The following SMYD3 variants were observed in gnomAD, a reference collection of about 807,000 sequenced individuals.
SMYD3 encodes the protein SET and MYND domain containing 3.
Under a neutral mutation model 57.7 loss-of-function variants are expected in SMYD3, and 36 were observed. That is an observed-to-expected ratio of 0.62 (90% CI 0.48 to 0.82). The LOEUF (loss-of-function observed/expected upper bound fraction) is 0.82. SMYD3 is among the 40% of genes least tolerant of loss of function. The probability of loss-of-function intolerance (pLI) is 0.00; values close to 1 mark genes in which losing one functional copy is unlikely to be tolerated. For missense variants in SMYD3, 515 were observed against 538.8 expected, an observed-to-expected ratio of 0.96 and a Z score of 0.44; for synonymous variants, 211 against 195.0, an observed-to-expected ratio of 1.08 and a Z score of -0.68.
intron 2 of SMYD3, among the ~76,000 whole-genome samples, chr1:246,348,060 T>TTTTATATATATATATATATATA (rs1553336532): frequency 2.4e-5 from 2 of 83,012 alleles, no homozygotes; most frequent in African/African-American, 4.2e-5. Context: ...AAAGAAAACG[T>TTTTATATATATATATATATATA]TATATATATA....
At chr1:245,947,538 T>C in intron 5 of SMYD3, 1 of 389,490 alleles carries the variant, frequency 2.6e-6, no homozygotes, top group Non-Finnish European at 5.2e-6. Flanking sequence ...TGCCTGCATT[T>C]CTAAACCATC....
intron 5 of SMYD3, among the ~76,000 whole-genome samples, chr1:246,235,782 C>T (rs2063505088): frequency 6.6e-6 from 1 of 152,118 alleles, no homozygotes; most frequent in African/African-American, 2.4e-5. Context: ...ACTGACCCTA[C>T]AAGCTCTAAG....
At chr1:245,924,944 A>G (rs1024401136) in intron 7 of SMYD3, among the ~76,000 whole-genome samples, 34 of 151,530 alleles carry the variant, frequency 2.2e-4, no homozygotes, top group Non-Finnish European at 7.4e-5. Flanking sequence ...GATTACAGGC[A>G]TGAGCCACGG....
chr1:245,852,929 C>A (rs2051050087), intron 10 of SMYD3, among the ~76,000 whole-genome samples: 1 of 152,156 alleles, frequency 6.6e-6, no homozygotes, highest in Admixed American at 6.5e-5. Flanking sequence ...CAGTATTTCA[C>A]ACATACGAAC....
chr1:246,353,274 T>C (rs1015686951), intron 2 of SMYD3, among the ~76,000 whole-genome samples: 3 of 152,162 alleles, frequency 2.0e-5, no homozygotes, highest in Non-Finnish European at 2.9e-5. Flanking sequence ...ACACCTATAA[T>C]CCCAGCACTT....
chr1:246,277,733 A>G (rs1287009094), intron 5 of SMYD3, among the ~76,000 whole-genome samples: 7 of 152,244 alleles, frequency 4.6e-5, no homozygotes, highest in Non-Finnish European at 1.0e-4. Context: ...ACATGGATGA[A>G]CCTCAGAATC....
At chr1:246,200,746 T>C (rs2062910610) in intron 5 of SMYD3, among the ~76,000 whole-genome samples, 1 of 140,266 alleles carries the variant, frequency 7.1e-6, no homozygotes, top group Non-Finnish European at 1.6e-5. Context: ...GCTTTTCATA[T>C]ATATGATTTG....
intron 5 of SMYD3, among the ~76,000 whole-genome samples, chr1:246,032,175 G>A (rs1376031390): frequency 6.6e-6 from 1 of 152,018 alleles, no homozygotes; most frequent in Non-Finnish European, 1.5e-5. Context: ...TTAACTGTTG[G>A]GCAGGCAAAC....
chr1:245,796,560 T>G (rs570783546), intron 10 of SMYD3, among the ~76,000 whole-genome samples: 1 of 152,308 alleles, frequency 6.6e-6, no homozygotes, highest in South Asian at 2.1e-4. Context: ...TCCTACATAT[T>G]TATGATTTTC....
intron 2 of SMYD3, among the ~76,000 whole-genome samples, chr1:246,343,845 A>G (rs576306357): frequency 6.6e-6 from 1 of 152,298 alleles, no homozygotes; most frequent in East Asian, 1.9e-4. Context: ...TGGCTTAAAA[A>G]TTGTGATCAC....
At chr1:246,094,612 G>T (rs995475498) in intron 5 of SMYD3, among the ~76,000 whole-genome samples, 4 of 152,120 alleles carry the variant, frequency 2.6e-5, no homozygotes, top group African/African-American at 9.7e-5. Context: ...GTTGTAACAA[G>T]GTCAAAGAAT....
intron 5 of SMYD3, among the ~76,000 whole-genome samples, chr1:246,118,980 C>T (rs939553383): frequency 2.0e-5 from 3 of 151,940 alleles, no homozygotes; most frequent in Non-Finnish European, 4.4e-5. Context: ...CTTCTCTAGA[C>T]TTGGAATACT....
intron 4 of SMYD3, among the ~76,000 whole-genome samples, chr1:246,329,614 G>A (rs1262847195): frequency 6.6e-6 from 1 of 152,018 alleles, no homozygotes; most frequent in African/African-American, 2.4e-5. Context: ...TGAGTAGGTT[G>A]CAAAAATTTT....
At chr1:246,116,624 G>A (rs2061346445) in intron 5 of SMYD3, among the ~76,000 whole-genome samples, 1 of 152,174 alleles carries the variant, frequency 6.6e-6, no homozygotes, top group African/African-American at 2.4e-5. Context: ...CCTCAGCTAT[G>A]CTATCTTACT....
chr1:246,273,133 T>G (rs1350410529), intron 5 of SMYD3, among the ~76,000 whole-genome samples: 3 of 124,834 alleles, frequency 2.4e-5, no homozygotes, highest in Non-Finnish European at 4.8e-5. Context: ...TGTCCCTGTT[T>G]TCTTTTTTTT....
chr1:246,017,093 C>T (rs2059390554), intron 5 of SMYD3, among the ~76,000 whole-genome samples: 1 of 152,202 alleles, frequency 6.6e-6, no homozygotes, highest in African/African-American at 2.4e-5. Flanking sequence ...TTTAGGGCTT[C>T]TGATACATAC....
At chr1:245,870,679 G>A (rs78757160) in intron 8 of SMYD3, among the ~76,000 whole-genome samples, 2,434 of 152,278 alleles carry the variant, frequency 0.016, 62 homozygotes, top group African/African-American at 0.056. Context: ...TTGGCCAAAC[G>A]CTTCCTTTGG....
At chr1:245,963,524 CT>C (rs1221854842) in intron 5 of SMYD3, among the ~76,000 whole-genome samples, 2 of 151,106 alleles carry the variant, frequency 1.3e-5, no homozygotes, top group Non-Finnish European at 3.0e-5. Flanking sequence ...GAGGGATAAG[CT>C]TTTGTGAGTT....
chr1:246,160,811 G>A (rs2148197385), intron 5 of SMYD3, among the ~76,000 whole-genome samples: 1 of 152,232 alleles, frequency 6.6e-6, no homozygotes, highest in South Asian at 2.1e-4. Flanking sequence ...GTAAGCATTG[G>A]GGAAATACTT....
Sources: gnomAD v4.1 joint callset for allele counts (sites outside exome capture counted in the v4.1 genomes callset) on GRCh38, gnomAD v4.1.1 for gene constraint, MANE v1.5 for transcripts, NCBI Gene and HGNC (gene_info 2026-07-23, HGNC 2026-07-21) for gene names.